Variants in DHRSX observed in about 807,000 individuals in gnomAD.
DHRSX encodes the protein polyprenol dehydrogenase.
Under a neutral mutation model 34.0 loss-of-function variants are expected in DHRSX, and 31 were observed. The observed-to-expected ratio is 0.91, with a 90% CI of 0.69 to 1.23. The LOEUF (loss-of-function observed/expected upper bound fraction) is 1.23. Among genes scored for constraint, DHRSX ranks in the 50% most tolerant of loss-of-function variants. The pLI is 0.00. For missense variants in DHRSX, 414 were observed against 428.1 expected (o/e 0.97, Z 0.29); for synonymous variants, 201 against 183.8 (o/e 1.09, Z -0.76).
intron 3 of DHRSX, among the ~76,000 whole-genome samples, chrX:2,323,844 G>A (rs149123685): frequency 6.6e-6 from 1 of 151,768 alleles, no homozygotes; most frequent in Admixed American, 6.6e-5. Flanking sequence ...AAAAATAGGG[G>A]CTTCCGGTTT....
At chrX:2,221,737 A>G (rs965196326) in intron 6 of DHRSX, among the ~76,000 whole-genome samples, 2 of 152,222 alleles carry the variant, frequency 1.3e-5, no homozygotes, top group African/African-American at 4.8e-5. Context: ...AGACGTTTCA[A>G]AAAGGAACTT....
At chrX:2,308,015 T>A (rs1187571397) in intron 3 of DHRSX, among the ~76,000 whole-genome samples, 1 of 152,012 alleles carries the variant, frequency 6.6e-6, no homozygotes, top group Non-Finnish European at 1.5e-5. Flanking sequence ...TCCGGAAGAC[T>A]TGAGATAGGT....
Position 2,220,210 on chromosome X carries a change from A to G in DHRSX, c.*831T>C, listed in dbSNP as rs1385855286. 6.6e-6 allele frequency: 1 copy of G among 152,130 alleles called. No homozygotes were observed. Among genetic ancestry groups the G allele is most frequent in the Non-Finnish European group, 1.5e-5 (1 of 68,108 alleles). The allele number at this position is 152,130 out of a possible 1,614,324, so 9.4% of individuals were successfully genotyped here. ...TGGCATCACTCCAGTCTCTGTCTGC[A>G]TCATCACACGAATATCTTGTCTTCT... On this transcript the variant is annotated 3_prime_UTR_variant, in exon 7 of 7. Transcript: ENST00000334651.
Position 2,220,770 on chromosome X carries a change from A to C in DHRSX, c.*271T>G, listed in dbSNP as rs1018814040. On this transcript the variant is annotated 3_prime_UTR_variant, in exon 7 of 7. Transcript: ENST00000334651. ...AAGGAAAATGGCACATTTATGTTGG[A>C]AAATGTAATTATTTATGGCACCTGT... 9 of 455,578 alleles carry C rather than the reference A, an allele frequency of 2.0e-5. No individual in the cohort carries two copies. The highest frequency in any genetic ancestry group is 1.5e-4 in the African/African-American group (8 of 51,778). 28.2% of individuals were successfully genotyped at this position (455,578 alleles called of 1,614,324 possible).
chrX:2,434,134 A>C (rs1444569745), intron 1 of DHRSX, among the ~76,000 whole-genome samples: 1 of 152,202 alleles, frequency 6.6e-6, no homozygotes, highest in Non-Finnish European at 1.5e-5. Flanking sequence ...AAAGGAAATG[A>C]ATATGCAATT....
rs2015486366 is a variant in DHRSX at position 2,219,875 on chromosome X, A to C, written c.*1166T>G. 1 of 152,170 alleles carries C rather than the reference A, an allele frequency of 6.6e-6. No individual in the cohort carries two copies. Among genetic ancestry groups the C allele is most frequent in the African/African-American group, 2.4e-5 (1 of 41,512 alleles). The allele number at this position is 152,170 out of a possible 1,614,324, so 9.4% of individuals were successfully genotyped here. ...AAAACCCAACATCTATCTCTCTAAC[A>C]CCAAAGGATTGAGCCTTCCTTGCCT... On this transcript the variant is annotated 3_prime_UTR_variant, in exon 7 of 7. Coordinates refer to ENST00000334651, the MANE Select transcript of DHRSX (RefSeq NM_145177.3).
chrX:2,353,758 T>G (rs183436757), intron 3 of DHRSX, among the ~76,000 whole-genome samples: 2 of 151,846 alleles, frequency 1.3e-5, no homozygotes, highest in Admixed American at 6.6e-5. Context: ...TAATTTTGTT[T>G]TTTTTTAGTA....
intron 1 of DHRSX, among the ~76,000 whole-genome samples, chrX:2,430,528 G>GT (rs2043905406): frequency 6.6e-6 from 1 of 152,122 alleles, no homozygotes; most frequent in Non-Finnish European, 1.5e-5. Flanking sequence ...GACTCGGCAT[G>GT]ACCAGAGAAC....
chrX:2,259,365 GATAT>G (rs1246658058), intron 5 of DHRSX, among the ~76,000 whole-genome samples: 38 of 106,326 alleles, frequency 3.6e-4, no homozygotes, highest in African/African-American at 8.7e-4. Flanking sequence ...GATAGATATA[GATAT>G]ATATAGATAT....
At chrX:2,451,880 T>C (rs1292627747) in intron 1 of DHRSX, among the ~76,000 whole-genome samples, 1 of 150,768 alleles carries the variant, frequency 6.6e-6, no homozygotes, top group Non-Finnish European at 1.5e-5. Flanking sequence ...TCCCTAAGAA[T>C]GCAACTAAAA....
At chrX:2,233,950 G>A (rs2015956096) in intron 6 of DHRSX, among the ~76,000 whole-genome samples, 1 of 152,320 alleles carries the variant, frequency 6.6e-6, no homozygotes, top group Non-Finnish European at 1.5e-5. Flanking sequence ...ACACTCTTAT[G>A]TGATATTATT....
intron 3 of DHRSX, among the ~76,000 whole-genome samples, chrX:2,323,160 C>T (rs982911038): frequency 2.0e-5 from 3 of 152,118 alleles, no homozygotes; most frequent in Admixed American, 2.0e-4. Flanking sequence ...CAAAGAGGTA[C>T]AAGAACCTAC....
chrX:2,243,369 T>C (rs1298486753), intron 5 of DHRSX, 139 bp from the exon 6 acceptor site: 2 of 674,548 alleles, frequency 3.0e-6, no homozygotes, highest in African/African-American at 3.6e-5. Flanking sequence ...GATCATGCCA[T>C]CTGTTGGCCA....
At chrX:2,467,961 T>A (rs2044522186) in intron 1 of DHRSX, among the ~76,000 whole-genome samples, 1 of 105,354 alleles carries the variant, frequency 9.5e-6, no homozygotes, top group Non-Finnish European at 1.9e-5. Flanking sequence ...AAACTCCGTC[T>A]CAAAAAAAAA....
Position 2,421,510 on chromosome X carries a change from C to A in DHRSX, c.217+3687G>T, listed in dbSNP as rs779399485. Among the ~76,000 whole-genome samples the A allele has an allele frequency of 2.6e-5, 4 of 152,316 alleles. No homozygotes were observed. The East Asian group carries it at 7.7e-4, about 29-fold the overall frequency. On this transcript the variant is annotated intron_variant, in intron 2 of 6. Coordinates refer to ENST00000334651, the MANE Select transcript of DHRSX (RefSeq NM_145177.3). ...AGGAGCCATGTGCGCTGACATGGAC[C>A]ACGCATCTCCAGGGAGACCAGAAGG...
intron 5 of DHRSX, 48 bp downstream of exon 5, chrX:2,266,692 T>C (rs751217352): frequency 6.3e-7 from 1 of 1,578,998 alleles, no homozygotes; most frequent in South Asian, 1.1e-5. Flanking sequence ...ATGAATAACC[T>C]TTAACCCACC....
chrX:2,262,334 G>A (rs1162566543), intron 5 of DHRSX, among the ~76,000 whole-genome samples: 4 of 152,166 alleles, frequency 2.6e-5, no homozygotes, highest in East Asian at 1.9e-4. Context: ...GCATACACAC[G>A]TCACCTGCGC....
chrX:2,389,551 C>T, intron 3 of DHRSX, among the ~76,000 whole-genome samples: 1 of 152,282 alleles, frequency 6.6e-6, no homozygotes, highest in East Asian at 1.9e-4. Context: ...ACACGTGTGT[C>T]ACAGTCTTTC....
chrX:2,500,654 G>GCCCCCCCCCCCCCCCCCCCCCCCCC (rs546772121), intron 1 of DHRSX, 163 bp downstream of exon 1: 1 of 126,696 alleles, frequency 7.9e-6, no homozygotes, highest in Admixed American at 7.7e-5. Flanking sequence ...CGCGCACGCC[G>GCCCCCCCCCCCCCCCCCCCCCCCCC]CCCCCCCCCC....
Sources: gnomAD v4.1 joint callset for allele counts (sites outside exome capture counted in the v4.1 genomes callset) on GRCh38, gnomAD v4.1.1 for gene constraint, MANE v1.5 for transcripts, NCBI Gene and HGNC (gene_info 2026-07-23, HGNC 2026-07-21) for gene names.